Variants in DMXL1 observed in about 807,000 individuals in gnomAD.
DMXL1 encodes the protein dmX-like protein 1.
DMXL1 carries 99 observed loss-of-function variants against 319.2 expected under a neutral mutation model. The ratio of observed to expected loss-of-function variants is 0.31; its 90% CI spans 0.26 to 0.37. DMXL1 has a LOEUF of 0.37. Ranked by LOEUF, DMXL1 falls within the 10% of genes least tolerant of loss-of-function variation. DMXL1 has a pLI of 1.00. For synonymous variants in DMXL1, 1,385 were observed against 1,235.2 expected (o/e 1.12, Z -2.54); for missense variants, 3,745 against 3,595.6 (o/e 1.04, Z -1.06).
chr5:119,210,378 C>G (rs1782535841), intron 34 of DMXL1, among the ~76,000 whole-genome samples: 1 of 152,176 alleles, frequency 6.6e-6, no homozygotes, highest in Admixed American at 6.5e-5. Context: ...CAAAAACTTT[C>G]TCCTGTTCTA....
At chr5:119,232,394 G>T (rs1337208047) in intron 38 of DMXL1, among the ~76,000 whole-genome samples, 1 of 152,088 alleles carries the variant, frequency 6.6e-6, no homozygotes. Flanking sequence ...TATGTGACTA[G>T]CAAGTGCTAG....
At position 119,129,419 on chromosome 5, in the gene DMXL1, T is replaced by C. The variant is rs764979710; in HGVS notation, c.1311T>C (p.Asp437=). 1.6e-5 allele frequency: 26 copies of C among 1,600,894 alleles called. No homozygotes were observed. Among genetic ancestry groups the C allele is most frequent in the Non-Finnish European group, 2.2e-5 (26 of 1,175,388 alleles). ...CTAATCAGGCAGATGTAAAATCTGA[T>C]GAAGGTAAACTTTAAGAGGAAAGGA... ...EDSNQADVKS[D]EETDDGVDDL... is the part of the protein sequence containing the mutation. The change falls in exon 10 of 44, where the codon GAT becomes GAC. Residue 437 remains aspartate, a synonymous_variant. Coordinates refer to ENST00000539542, the MANE Select transcript of DMXL1 (RefSeq NM_001290321.3).
intron 18 of DMXL1, 41 bp downstream of exon 18, chr5:119,150,462 T>A (rs780246825): frequency 1.3e-6 from 2 of 1,535,512 alleles, no homozygotes; most frequent in Non-Finnish European, 1.7e-6. Flanking sequence ...TTACTTACTT[T>A]CACAGAAAAT....
At chr5:119,084,364 C>T (rs963695498) in intron 1 of DMXL1, among the ~76,000 whole-genome samples, 22 of 152,132 alleles carry the variant, frequency 1.4e-4, no homozygotes, top group Non-Finnish European at 1.9e-4. Context: ...AAGTGATTCA[C>T]CTGCCTCAGC....
intron 30 of DMXL1, 49 bp from the exon 31 acceptor site, chr5:119,196,322 T>C: frequency 7.0e-7 from 1 of 1,430,498 alleles, no homozygotes; most frequent in Non-Finnish European, 9.9e-7. Context: ...TATACTCTTC[T>C]AAATCCCTAT....
intron 29 of DMXL1, 114 bp downstream of exon 29, chr5:119,190,000 T>G: frequency 2.0e-6 from 2 of 975,702 alleles, no homozygotes; most frequent in Non-Finnish European, 3.0e-6. Context: ...GTTTAGAAAA[T>G]TTTCATTAGT....
chr5:119,214,420 T>G (rs879860075), intron 34 of DMXL1, among the ~76,000 whole-genome samples: 8 of 152,214 alleles, frequency 5.3e-5, no homozygotes, highest in Admixed American at 5.2e-4. Context: ...TCAAACCCTT[T>G]ATGTTTTATC....
At chr5:119,211,332 T>C (rs2150518554) in intron 34 of DMXL1, among the ~76,000 whole-genome samples, 1 of 152,304 alleles carries the variant, frequency 6.6e-6, no homozygotes, top group East Asian at 1.9e-4. Flanking sequence ...AGAATTAGTG[T>C]TATTTCTGAA....
intron 25 of DMXL1, among the ~76,000 whole-genome samples, chr5:119,173,776 G>GTATATATGTATATATATATA (rs1554127643): frequency 3.0e-5 from 2 of 67,170 alleles, no homozygotes; most frequent in African/African-American, 1.1e-4. Context: ...ATGTGTGTGT[G>GTATATATGTATATATATATA]TATATATATA....
chr5:119,207,280 ATAT>A (rs1781910530), intron 34 of DMXL1, among the ~76,000 whole-genome samples: 1 of 152,166 alleles, frequency 6.6e-6, no homozygotes, highest in South Asian at 2.1e-4. Context: ...GGAATTAATG[ATAT>A]TAAAATTAAT....
intron 13 of DMXL1, among the ~76,000 whole-genome samples, chr5:119,142,119 G>A (rs1269655063): frequency 6.6e-6 from 1 of 152,070 alleles, no homozygotes; most frequent in African/African-American, 2.4e-5. Context: ...ACTCAAAATG[G>A]ATTAAAGACT....
chr5:119,110,435 A>G (rs184385094), intron 5 of DMXL1, 152 bp downstream of exon 5: 3 of 642,190 alleles, frequency 4.7e-6, no homozygotes, highest in African/African-American at 1.9e-5. Flanking sequence ...ATAATTCTCT[A>G]TTTCCCGTGT....
chr5:119,231,713 A>T (rs1786766973), intron 38 of DMXL1, among the ~76,000 whole-genome samples: 1 of 152,238 alleles, frequency 6.6e-6, no homozygotes, highest in Non-Finnish European at 1.5e-5. Flanking sequence ...AGGTGGCATG[A>T]GGGGAAAACT....
rs778675895 is a variant in DMXL1 at position 119,178,233 on chromosome 5, A to G, written c.7124A>G (p.Lys2375Arg). ...HVPSKEQTHS[K>R]TLPVSSLVEE... ...CCTAGCAAAGAACAGACACATTCAA[A>G]AACTTTACCTGGTGAGTTTAAAAAA... is the stretch of plus-strand genomic sequence containing the variant. Residue 2375 changes from lysine (K) to arginine (R), a missense_variant, in exon 28 of 44, where the codon AAA becomes AGA. Transcript: ENST00000539542. The G allele has an allele frequency of 1.2e-6, 2 of 1,612,714 alleles. No individual in the cohort carries two copies. The highest frequency in any genetic ancestry group is 1.7e-6 in the Non-Finnish European group (2 of 1,179,138).
intron 37 of DMXL1, among the ~76,000 whole-genome samples, chr5:119,222,087 C>G (rs939890080): frequency 2.0e-5 from 3 of 152,162 alleles, no homozygotes; most frequent in South Asian, 2.1e-4. Flanking sequence ...AGCAATTGTT[C>G]AAGTAAAATC....
intron 20 of DMXL1, among the ~76,000 whole-genome samples, 200 bp downstream of exon 20, chr5:119,164,876 A>G (rs1300897043): frequency 6.6e-6 from 1 of 152,024 alleles, no homozygotes. Context: ...CAAGTTTTTA[A>G]TTGACAAACT....
intron 24 of DMXL1, 148 bp downstream of exon 24, chr5:119,171,428 A>C: frequency 1.2e-6 from 1 of 803,022 alleles, no homozygotes; most frequent in Non-Finnish European, 1.9e-6. Context: ...CATATTATGA[A>C]TTATAGAGTT....
At chr5:119,179,528 GA>G (rs1292581072) in intron 28 of DMXL1, among the ~76,000 whole-genome samples, 1 of 151,952 alleles carries the variant, frequency 6.6e-6, no homozygotes, top group Non-Finnish European at 1.5e-5. Flanking sequence ...CATTATTTGG[GA>G]AAAAAATTAT....
chr5:119,171,356 A>G, intron 24 of DMXL1, 76 bp downstream of exon 24: 1 of 1,409,480 alleles, frequency 7.1e-7, no homozygotes, highest in Non-Finnish European at 9.6e-7. Context: ...GGTTTTGAAT[A>G]CTAAGACTTG....
Sources: gnomAD v4.1 joint callset for allele counts (sites outside exome capture counted in the v4.1 genomes callset) on GRCh38, gnomAD v4.1.1 for gene constraint, MANE v1.5 for transcripts, NCBI Gene and HGNC (gene_info 2026-07-23, HGNC 2026-07-21) for gene names.